GRID1: variants seen among roughly 807,000 people sequenced by gnomAD.
GRID1 encodes the protein glutamate ionotropic receptor delta type subunit 1.
A neutral mutation model predicts 98.0 loss-of-function variants in GRID1; 28 were observed. The ratio of observed to expected loss-of-function variants is 0.29; its 90% CI spans 0.21 to 0.39. The LOEUF (loss-of-function observed/expected upper bound fraction) is 0.39, where lower values mean the gene tolerates loss of function less well. GRID1 is among the 10% of genes least tolerant of loss of function. The pLI, the probability that GRID1 is intolerant of heterozygous loss-of-function variation, is 1.00. For missense variants in GRID1, 1,111 were observed against 1,340.5 expected (o/e 0.83, Z 2.67); for synonymous variants, 553 against 538.5 (o/e 1.03, Z -0.37).
chr10:85,848,124 T>A (rs78111640), intron 8 of GRID1, among the ~76,000 whole-genome samples: 1 of 152,144 alleles, frequency 6.6e-6, no homozygotes, highest in African/African-American at 2.4e-5. Flanking sequence ...ATGTTTAATA[T>A]ATATCAACCA....
intron 3 of GRID1, among the ~76,000 whole-genome samples, chr10:86,162,720 T>C (rs1845340427): frequency 6.6e-6 from 1 of 152,214 alleles, no homozygotes; most frequent in African/African-American, 2.4e-5. Context: ...GGTGGGGTTG[T>C]CCATGACCCA....
chr10:86,210,611 G>A (rs963923374), intron 2 of GRID1, among the ~76,000 whole-genome samples: 12 of 152,194 alleles, frequency 7.9e-5, no homozygotes, highest in African/African-American at 2.9e-4. Flanking sequence ...CCCCGTGGAG[G>A]TGAGCACTGC....
At chr10:85,687,995 A>G (rs1271809023) in intron 12 of GRID1, among the ~76,000 whole-genome samples, 1 of 152,232 alleles carries the variant, frequency 6.6e-6, no homozygotes, top group Non-Finnish European at 1.5e-5. Context: ...GTGCTGGGAA[A>G]TCCCAGGAAA....
At chr10:85,820,738 G>A (rs1047753628) in intron 8 of GRID1, among the ~76,000 whole-genome samples, 9 of 151,948 alleles carry the variant, frequency 5.9e-5, no homozygotes, top group Non-Finnish European at 1.3e-4. Context: ...ATTTATAATG[G>A]CTAAAAATTT....
intron 6 of GRID1, among the ~76,000 whole-genome samples, chr10:85,865,348 C>A (rs1843204845): frequency 2.0e-5 from 3 of 152,142 alleles, no homozygotes; most frequent in African/African-American, 7.2e-5. Context: ...TCTTGGTTGG[C>A]TTTAGAGCAC....
In GRID1 at chr10:85,609,215, A is replaced by T. The variant is rs1313977046; in HGVS notation, c.2601+4192T>A. On this transcript the variant is annotated intron_variant, in intron 15 of 15. Coordinates refer to ENST00000327946, the MANE Select transcript of GRID1 (RefSeq NM_017551.3). ...ACTTCTGAGAGGGATTTCATCAGGG[A>T]TAAGGATGCCTTCTTCAACTACTGA... Among the ~76,000 whole-genome samples, 3 of 152,188 alleles carry T rather than the reference A, an allele frequency of 2.0e-5. No individual in the cohort carries two copies. In the East Asian group the frequency reaches 5.8e-4, roughly 29 times the overall value.
chr10:85,881,329 C>A (rs772624801), intron 5 of GRID1, among the ~76,000 whole-genome samples: 21 of 152,094 alleles, frequency 1.4e-4, no homozygotes, highest in Non-Finnish European at 2.4e-4. Context: ...AAGCCTAAGC[C>A]AAAAGAACAA....
rs576144621 is a variant in GRID1, at chr10:86,359,107, T to C, written c.235+4834A>G. ...CTGCAAGAGAATAAATGTGTGTTGA[T>C]CTAACCAACTAAATTTGGGGTAAAA... On this transcript the variant is annotated intron_variant, in intron 2 of 15. Coordinates refer to ENST00000327946, the MANE Select transcript of GRID1 (RefSeq NM_017551.3). 9.9e-5 allele frequency among the ~76,000 whole-genome samples: 15 copies of C among 152,284 alleles called. No homozygotes were observed. In the East Asian group the frequency reaches 2.9e-3, roughly 29 times the overall value.
At chr10:85,692,516 A>C (rs1841344990) in intron 12 of GRID1, among the ~76,000 whole-genome samples, 1 of 151,944 alleles carries the variant, frequency 6.6e-6, no homozygotes, top group Non-Finnish European at 1.5e-5. Flanking sequence ...TGCAAAAATT[A>C]GCCAGTTGTG....
intron 4 of GRID1, among the ~76,000 whole-genome samples, chr10:86,059,647 A>C (rs1175216618): frequency 6.6e-6 from 1 of 152,266 alleles, no homozygotes; most frequent in Non-Finnish European, 1.5e-5. Flanking sequence ...AAAAAACATT[A>C]GCCTGAAATG....
chr10:86,229,875 G>A (rs980120803), intron 2 of GRID1, among the ~76,000 whole-genome samples: 4 of 152,178 alleles, frequency 2.6e-5, no homozygotes, highest in Non-Finnish European at 4.4e-5. Context: ...TATGTCCTCT[G>A]TAAGACACCA....
At chr10:86,354,668 C>T (rs1313640401) in intron 2 of GRID1, among the ~76,000 whole-genome samples, 3 of 152,242 alleles carry the variant, frequency 2.0e-5, no homozygotes, top group Admixed American at 2.0e-4. Context: ...ACCTTTCCAC[C>T]TGACCCCTTT....
At chr10:86,260,919 T>A (rs186817805) in intron 2 of GRID1, among the ~76,000 whole-genome samples, 9 of 152,340 alleles carry the variant, frequency 5.9e-5, no homozygotes, top group Non-Finnish European at 1.2e-4. Flanking sequence ...AATTTGGAGC[T>A]AAACAAAGAC....
chr10:85,737,005 T>C (rs993282657), intron 8 of GRID1, among the ~76,000 whole-genome samples: 3 of 151,876 alleles, frequency 2.0e-5, no homozygotes, highest in Non-Finnish European at 4.4e-5. Flanking sequence ...CCTTGGAGGG[T>C]ATGAGTCACA....
chr10:85,812,227 A>T (rs534212874), intron 8 of GRID1, among the ~76,000 whole-genome samples: 41 of 152,302 alleles, frequency 2.7e-4, no homozygotes, highest in African/African-American at 9.9e-4. Context: ...TGAAAAGATG[A>T]TAACTACCAT....
At chr10:85,798,651 G>T (rs1842546827) in intron 8 of GRID1, among the ~76,000 whole-genome samples, 1 of 151,820 alleles carries the variant, frequency 6.6e-6, no homozygotes, top group African/African-American at 2.4e-5. Flanking sequence ...CTGTCTCTTT[G>T]CATATCTTCT....
chr10:85,631,573 AG>A (rs1258378512), intron 13 of GRID1, among the ~76,000 whole-genome samples: 2 of 152,334 alleles, frequency 1.3e-5, no homozygotes, highest in African/African-American at 4.8e-5. Flanking sequence ...AAAAGTCCTA[AG>A]TTGGAAAAAT....
At chr10:86,074,577 A>G (rs1182652953) in intron 4 of GRID1, among the ~76,000 whole-genome samples, 1 of 152,112 alleles carries the variant, frequency 6.6e-6, no homozygotes, top group Non-Finnish European at 1.5e-5. Context: ...AGTATACCAC[A>G]TTTTCATTAT....
intron 12 of GRID1, among the ~76,000 whole-genome samples, chr10:85,697,021 G>A (rs1841402017): frequency 6.6e-6 from 1 of 151,962 alleles, no homozygotes; most frequent in South Asian, 2.1e-4. Context: ...TAAATTTACT[G>A]AGATTTAATT....
Sources: allele counts gnomAD v4.1 joint callset (sites outside exome capture counted in the v4.1 genomes callset), GRCh38; gene constraint gnomAD v4.1.1; transcripts MANE v1.5; gene names NCBI Gene and HGNC (gene_info 2026-07-23, HGNC 2026-07-21).